The following XYLT1 variants were observed in gnomAD, a reference collection of about 807,000 sequenced individuals.
XYLT1 encodes beta-D-xylosyltransferase 1.
In XYLT1, 36 loss-of-function variants were observed where a neutral mutation model predicts 91.3. That is an observed-to-expected ratio of 0.39 (90% CI 0.30 to 0.52). The LOEUF is 0.52. Among genes scored for constraint, XYLT1 ranks in the 20% least tolerant of loss-of-function variants. XYLT1 has a pLI of 0.68. For missense variants in XYLT1, 1,242 were observed against 1,284.5 expected, an observed-to-expected ratio of 0.97 and a Z score of 0.51; for synonymous variants, 588 against 532.0, an observed-to-expected ratio of 1.11 and a Z score of -1.45.
intron 11 of XYLT1, 137 bp downstream of exon 11, chr16:17,117,509 G>A: frequency 1.1e-6 from 1 of 882,690 alleles, no homozygotes; most frequent in Admixed American, 2.9e-5. Context: ...ACAGAGAAAA[G>A]TATTGAGAGC....
intron 2 of XYLT1, among the ~76,000 whole-genome samples, chr16:17,278,146 T>C (rs1304734669): frequency 2.0e-5 from 3 of 152,196 alleles, no homozygotes; most frequent in African/African-American, 7.2e-5. Flanking sequence ...TGGCACCTTT[T>C]CGTGTATGAC....
intron 2 of XYLT1, among the ~76,000 whole-genome samples, chr16:17,317,601 G>C (rs949136497): frequency 1.1e-4 from 13 of 120,152 alleles, no homozygotes; most frequent in African/African-American, 4.4e-4. Flanking sequence ...CTGCACTCCA[G>C]CCTGGGCCAC....
chr16:17,200,793 A>G (rs1352415305), intron 3 of XYLT1, 139 bp from the exon 4 acceptor site: 8 of 910,448 alleles, frequency 8.8e-6, no homozygotes, highest in South Asian at 6.8e-5. Context: ...ACATAATTCA[A>G]TGCCACAAAG....
chr16:17,367,612 G>T (rs1279372621), intron 1 of XYLT1, among the ~76,000 whole-genome samples: 2 of 152,214 alleles, frequency 1.3e-5, no homozygotes, highest in Non-Finnish European at 2.9e-5. Flanking sequence ...CAGGAAAATA[G>T]TTCATATTTG....
chr16:17,120,847 A>G (rs1302295981), intron 10 of XYLT1, among the ~76,000 whole-genome samples: 2 of 152,174 alleles, frequency 1.3e-5, no homozygotes, highest in Non-Finnish European at 2.9e-5. Flanking sequence ...TTGAGCACCT[A>G]TTGTCTATTG....
At chr16:17,232,421 GTGTGTGTGTA>G (rs1487529006) in intron 3 of XYLT1, among the ~76,000 whole-genome samples, 60 of 99,064 alleles carry the variant, frequency 6.1e-4, no homozygotes, top group African/African-American at 1.7e-3. Flanking sequence ...GTGTGTGTGT[GTGTGTGTGTA>G]TATATATATA....
At chr16:17,283,456 A>C (rs1567355559) in intron 2 of XYLT1, among the ~76,000 whole-genome samples, 1 of 152,108 alleles carries the variant, frequency 6.6e-6, no homozygotes, top group African/African-American at 2.4e-5. Context: ...TTGTGTACAC[A>C]CACACGCATG....
chr16:17,146,701 T>C (rs2031142077), intron 6 of XYLT1, among the ~76,000 whole-genome samples: 1 of 152,154 alleles, frequency 6.6e-6, no homozygotes, highest in South Asian at 2.1e-4. Context: ...CTGGGTTAGG[T>C]AATTCCCAAG....
intron 3 of XYLT1, among the ~76,000 whole-genome samples, chr16:17,212,047 C>T (rs1296660439): frequency 6.6e-6 from 1 of 152,118 alleles, no homozygotes; most frequent in East Asian, 1.9e-4. Context: ...AAATTTGCTC[C>T]CAGTTGAGAA....
chr16:17,331,368 T>C (rs576927892), intron 2 of XYLT1, among the ~76,000 whole-genome samples: 2 of 152,334 alleles, frequency 1.3e-5, no homozygotes, highest in South Asian at 4.1e-4. Context: ...ACAGCCTGGC[T>C]CCTTGGCCCT....
In XYLT1 at chr16:17,279,782, C is replaced by G. The variant is rs148024294; in HGVS notation, c.403-20284G>C. On this transcript the variant is annotated intron_variant, in intron 2 of 11. Transcript: ENST00000261381. ...CTCTGCATATTAATTACAGCCAAGG[C>G]AAAATGTGGCCACAGCAGCAGTTAG... 2.2e-3 allele frequency among the ~76,000 whole-genome samples: 335 copies of G among 152,268 alleles called. 1 individual carries two copies. The highest frequency in any genetic ancestry group is 7.3e-3 in the African/African-American group (305 of 41,548).
intron 2 of XYLT1, among the ~76,000 whole-genome samples, chr16:17,285,128 T>C (rs1029591130): frequency 3.9e-5 from 6 of 152,158 alleles, no homozygotes; most frequent in African/African-American, 1.4e-4. Context: ...TCAGAATGCA[T>C]TGCCTGGGTG....
At chr16:17,285,776 T>A (rs1330683001) in intron 2 of XYLT1, among the ~76,000 whole-genome samples, 2 of 152,152 alleles carry the variant, frequency 1.3e-5, no homozygotes, top group East Asian at 3.8e-4. Context: ...GAATTGCTTG[T>A]TAACATGGTA....
At chr16:17,375,455 T>C (rs1480015830) in intron 1 of XYLT1, among the ~76,000 whole-genome samples, 9 of 130,536 alleles carry the variant, frequency 6.9e-5, no homozygotes, top group Non-Finnish European at 1.5e-4. Context: ...AAATTTTAGC[T>C]GTTTCTTGTT....
chr16:17,279,097 T>C (rs543591921), intron 2 of XYLT1, among the ~76,000 whole-genome samples: 29 of 152,250 alleles, frequency 1.9e-4, no homozygotes, highest in Non-Finnish European at 3.5e-4. Context: ...GCGTTGCTAC[T>C]GGGACAGCAT....
rs896405886 is a variant in XYLT1, at chr16:17,145,275, C to T, written c.1371-3906G>A. ...ACCACATTTTGCTTTACTTTGGACT[C>T]ATCCTTAAATCTCAGTTTACTTGGG... On this transcript the variant is annotated intron_variant, in intron 6 of 11. Coordinates refer to ENST00000261381, the MANE Select transcript of XYLT1 (RefSeq NM_022166.4). Among the ~76,000 whole-genome samples the T allele has an allele frequency of 3.9e-5, 6 of 152,320 alleles. No individual in the cohort carries two copies. The South Asian group carries it at 8.3e-4, about 21-fold the overall frequency.
At chr16:17,220,311 A>G (rs1042980383) in intron 3 of XYLT1, among the ~76,000 whole-genome samples, 8 of 152,224 alleles carry the variant, frequency 5.3e-5, no homozygotes, top group Admixed American at 2.6e-4. Flanking sequence ...TGAAACTGCC[A>G]TTTAAAAAAA....
At chr16:17,246,317 T>C (rs1204441810) in intron 3 of XYLT1, among the ~76,000 whole-genome samples, 1 of 152,238 alleles carries the variant, frequency 6.6e-6, no homozygotes. Context: ...GTTTCTTGTA[T>C]AGAGACCTTA....
chr16:17,221,158 C>A (rs1473275149), intron 3 of XYLT1, among the ~76,000 whole-genome samples: 1 of 152,122 alleles, frequency 6.6e-6, no homozygotes, highest in Non-Finnish European at 1.5e-5. Context: ...CGGCAGCCAT[C>A]ACTCCTTTTC....
Sources: gnomAD v4.1 joint callset for allele counts (sites outside exome capture counted in the v4.1 genomes callset) on GRCh38, gnomAD v4.1.1 for gene constraint, MANE v1.5 for transcripts, NCBI Gene and HGNC (gene_info 2026-07-23, HGNC 2026-07-21) for gene names.